Variants in TP53AIP1 observed in about 807,000 individuals in gnomAD.
TP53AIP1 encodes tumor protein p53 regulated apoptosis inducing protein 1, also known as p53-regulated apoptosis-inducing protein 1.
In TP53AIP1, 14 loss-of-function variants were observed where a neutral mutation model predicts 9.5. The observed-to-expected ratio is 1.47, with a 90% CI of 0.97 to 2.30. The LOEUF (loss-of-function observed/expected upper bound fraction) is 2.30. Ranked by LOEUF, TP53AIP1 falls within the 30% of genes most tolerant of loss-of-function variation. The pLI, the probability that TP53AIP1 is intolerant of heterozygous loss-of-function variation, is 0.00. For synonymous variants in TP53AIP1, 73 were observed against 61.2 expected (o/e 1.19, Z -0.90); for missense variants, 153 against 146.7 (o/e 1.04, Z -0.22).
At position 128,937,461 on chromosome 11, in the gene TP53AIP1, G is replaced by T; in HGVS notation, c.141+217C>A. The T allele has an allele frequency of 1.3e-6, 2 of 1,517,152 alleles. No individual in the cohort carries two copies. The highest frequency in any genetic ancestry group is 1.3e-5 in the South Asian group (1 of 75,902). The allele number at this position is 1,517,152 out of a possible 1,614,324, so 94.0% of individuals were successfully genotyped here. ...AGGATTCCGAGGAGGAGGAGGGCTG[G>T]CCTTCCTCTTGGGACTATTGATCAG... On this transcript the variant is annotated intron_variant, in intron 2 of 3. Transcript: ENST00000531399. This position sits in a 1 kb window ranked among gnomAD's most constrained non-coding sequence, Gnocchi z 4.8.
Position 128,937,081 on chromosome 11 carries a change from T to C in TP53AIP1, c.142-432A>G, listed in dbSNP as rs1322733997. 1.9e-6 allele frequency: 2 copies of C among 1,041,874 alleles called. No homozygotes were observed. Among genetic ancestry groups the C allele is most frequent in the East Asian group, 1.7e-4 (2 of 11,992 alleles). The allele number at this position is 1,041,874 out of a possible 1,614,324, so 64.5% of individuals were successfully genotyped here. A position where few individuals can be genotyped will look rare whatever the true frequency, so the allele number is the denominator to read the frequency against. On this transcript the variant is annotated intron_variant, in intron 2 of 3. Coordinates refer to ENST00000531399, the MANE Select transcript of TP53AIP1 (RefSeq NM_022112.3). The surrounding 1 kb of genome is among the most constrained non-coding windows in gnomAD (Gnocchi z 4.8). Reference sequence around the variant, plus strand: ...TCCTGGCCCAGGCCTGGCCTGTGTCTGCTTCCGGAGCCATGCGCTGCCTGT... The same window carrying C: ...TCCTGGCCCAGGCCTGGCCTGTGTCCGCTTCCGGAGCCATGCGCTGCCTGT...
At position 128,937,209 on chromosome 11, in the gene TP53AIP1, G is replaced by T; in HGVS notation, c.141+469C>A. The T allele has an allele frequency of 8.3e-7, 1 of 1,200,640 alleles. No homozygotes were observed. The highest frequency in any genetic ancestry group is 1.6e-5 in the African/African-American group (1 of 64,242). The allele number at this position is 1,200,640 out of a possible 1,614,324, so 74.4% of individuals were successfully genotyped here. On this transcript the variant is annotated intron_variant, in intron 2 of 3. Coordinates refer to ENST00000531399, the MANE Select transcript of TP53AIP1 (RefSeq NM_022112.3). The surrounding 1 kb of genome is among the most constrained non-coding windows in gnomAD (Gnocchi z 4.8). ...ATTGGCCACAGGAAACGACTTCTTG[G>T]AGTAAGTGACTGGTGCTCCGAGGCC... is the stretch of plus-strand genomic sequence containing the variant.
At position 128,935,459 on chromosome 11, in the gene TP53AIP1, G is replaced by A. The variant is rs577918950; in HGVS notation, c.*132C>T. 2.8e-6 allele frequency: 4 copies of A among 1,433,744 alleles called. No individual in the cohort carries two copies. Among genetic ancestry groups the A allele is most frequent in the East Asian group, 2.5e-5 (1 of 39,586 alleles). The allele number at this position is 1,433,744 out of a possible 1,614,324, so 88.8% of individuals were successfully genotyped here. Reference sequence around the variant, plus strand: ...ACCCAACTGGCCCAGTGGTCAAGGGGGGAAATGAGGTGGCCGCTAGTCAGC... The same window carrying A: ...ACCCAACTGGCCCAGTGGTCAAGGGAGGAAATGAGGTGGCCGCTAGTCAGC... On this transcript the variant is annotated 3_prime_UTR_variant, in exon 4 of 4. Coordinates refer to ENST00000531399, the MANE Select transcript of TP53AIP1 (RefSeq NM_022112.3).
At position 128,941,643 on chromosome 11, in the gene TP53AIP1, TG is replaced by T. The variant is rs547510012; in HGVS notation, c.-77+1150del. Among the ~76,000 whole-genome samples, 8 of 152,344 alleles carry T rather than the reference TG, an allele frequency of 5.3e-5. No individual in the cohort carries two copies. In the East Asian group the frequency reaches 9.6e-4, roughly 18 times the overall value. ...TTCTTTCTCTGCTTGCCCCGGCTGC[TG>T]GGGGGACATGAGGGACACTTGGCCC... On this transcript the variant is annotated intron_variant, in intron 1 of 3. Coordinates refer to ENST00000531399, the MANE Select transcript of TP53AIP1 (RefSeq NM_022112.3).
chr11:128,938,688 G>C (rs2136023017), intron 1 of TP53AIP1, among the ~76,000 whole-genome samples: 1 of 152,304 alleles, frequency 6.6e-6, no homozygotes, highest in South Asian at 2.1e-4. Flanking sequence ...CGCTTCCCCA[G>C]GGCGGCGGGA....
rs1944801225 is a variant in TP53AIP1 at position 128,935,575 on chromosome 11, G to C, written c.*16C>G. The C allele has an allele frequency of 6.5e-7, 1 of 1,549,704 alleles. No homozygotes were observed. The highest frequency in any genetic ancestry group is 1.4e-5 in the African/African-American group (1 of 73,680). On this transcript the variant is annotated 3_prime_UTR_variant, in exon 4 of 4. Transcript: ENST00000531399. ...TCTCTGTCGCCCAGGCTGGAGTGCA[G>C]TGGCGTGATCTCGGCTCACTGCAAC...
At chr11:128,942,374 G>A (rs912544774) in intron 1 of TP53AIP1, among the ~76,000 whole-genome samples, 7 of 152,226 alleles carry the variant, frequency 4.6e-5, no homozygotes, top group African/African-American at 1.4e-4. Context: ...GGGCTGGCCT[G>A]TGGACCAGGA....
chr11:128,942,452 G>C (rs964886081), intron 1 of TP53AIP1, among the ~76,000 whole-genome samples: 1 of 152,242 alleles, frequency 6.6e-6, no homozygotes, highest in Non-Finnish European at 1.5e-5. Flanking sequence ...AGCTCCCCAA[G>C]TGTGGCTCAG....
downstream of TP53AIP1, chr11:128,934,807 A>T (rs1944777334): frequency 3.6e-6 from 2 of 562,660 alleles, no homozygotes; most frequent in Non-Finnish European, 6.4e-6. Context: ...ACCCACAGGG[A>T]AGGGAGAAAA....
In TP53AIP1 at chr11:128,935,403, A is replaced by G; in HGVS notation, c.*188T>C. 2 of 1,418,920 alleles carry G rather than the reference A, an allele frequency of 1.4e-6. No individual in the cohort carries two copies. Among genetic ancestry groups the G allele is most frequent in the Non-Finnish European group, 9.1e-7 (1 of 1,093,078 alleles). The allele number at this position is 1,418,920 out of a possible 1,614,324, so 87.9% of individuals were successfully genotyped here. The stretch of plus-strand genomic sequence containing the variant: ...CAGCTTTTATTTCAGATTTGGGGAT[A>G]CAGAAGGATGCAAAATGAGGCAACC... On this transcript the variant is annotated 3_prime_UTR_variant, in exon 4 of 4. Transcript: ENST00000531399.
At chr11:128,940,932 G>C (rs370758411) in intron 1 of TP53AIP1, among the ~76,000 whole-genome samples, 1 of 152,072 alleles carries the variant, frequency 6.6e-6, no homozygotes, top group Non-Finnish European at 1.5e-5. Flanking sequence ...GAGAGGAGGC[G>C]GTGAGATCAC....
chr11:128,935,484 C>A lies in TP53AIP1; in HGVS notation c.*107G>T, dbSNP rs74463293. The A allele has an allele frequency of 6.8e-7, 1 of 1,474,234 alleles. No individual in the cohort carries two copies. 91.3% of individuals were successfully genotyped at this position (1,474,234 alleles called of 1,614,324 possible). On this transcript the variant is annotated 3_prime_UTR_variant, in exon 4 of 4. Transcript: ENST00000531399. ...GGGAAATGAGGTGGCCGCTAGTCAG[C>A]GCTGGAGCCATTTCTCGACGGTGCT...
intron 1 of TP53AIP1, among the ~76,000 whole-genome samples, chr11:128,942,208 G>A (rs1478845192): frequency 1.3e-5 from 2 of 152,166 alleles, no homozygotes; most frequent in African/African-American, 4.8e-5. Flanking sequence ...GCCATGACAT[G>A]CCCGCTGTGC....
intron 1 of TP53AIP1, among the ~76,000 whole-genome samples, chr11:128,941,005 T>A (rs1944929221): frequency 7.1e-6 from 1 of 141,358 alleles, no homozygotes. Flanking sequence ...ACTCCTGAAG[T>A]GAGAGGGGAC....
rs1295654863 is a variant in TP53AIP1, at chr11:128,939,121, A to C, written c.-76-1227T>G. 6.6e-6 allele frequency among the ~76,000 whole-genome samples: 1 copy of C among 152,208 alleles called. No homozygotes were observed. Among genetic ancestry groups the C allele is most frequent in the Non-Finnish European group, 1.5e-5 (1 of 68,040 alleles). On this transcript the variant is annotated intron_variant, in intron 1 of 3. Coordinates refer to ENST00000531399, the MANE Select transcript of TP53AIP1 (RefSeq NM_022112.3). This position sits in a 1 kb window ranked among gnomAD's most constrained non-coding sequence, Gnocchi z 4.1. ...AACCAAACTCAGAAGGCATTTACCC[A>C]ATGCTGCACGTTACGAAAATGTAAA...
intron 1 of TP53AIP1, among the ~76,000 whole-genome samples, chr11:128,941,813 C>T (rs1944949350): frequency 1.3e-5 from 2 of 152,230 alleles, no homozygotes; most frequent in Non-Finnish European, 2.9e-5. Flanking sequence ...GCTGCCGCCC[C>T]CACCCACCTT....
chr11:128,941,473 A>C (rs1485429970), intron 1 of TP53AIP1, among the ~76,000 whole-genome samples: 1 of 152,194 alleles, frequency 6.6e-6, no homozygotes, highest in Non-Finnish European at 1.5e-5. Flanking sequence ...GTGTGCAGTT[A>C]TAATGGGTTG....
At chr11:128,942,204 A>G (rs935300833) in intron 1 of TP53AIP1, among the ~76,000 whole-genome samples, 6 of 152,176 alleles carry the variant, frequency 3.9e-5, no homozygotes, top group African/African-American at 1.4e-4. Flanking sequence ...CCCTGCCATG[A>G]CATGCCCGCT....
At chr11:128,934,842 T>A (rs543267382), downstream of TP53AIP1, 78 of 595,288 alleles carry the variant, frequency 1.3e-4, no homozygotes, top group African/African-American at 9.4e-4. Context: ...TGGCATCCAA[T>A]GTGGGCGATT....
Sources: gnomAD v4.1 joint callset for allele counts (sites outside exome capture counted in the v4.1 genomes callset) on GRCh38, gnomAD v4.1.1 for gene constraint, Gnocchi (gnomAD v3.1) non-coding constraint, MANE v1.5 for transcripts, NCBI Gene and HGNC (gene_info 2026-07-23, HGNC 2026-07-21) for gene names.